Variants in INPP5D observed in about 807,000 individuals in gnomAD.
INPP5D encodes inositol polyphosphate-5-phosphatase D.
A neutral mutation model predicts 122.9 loss-of-function variants in INPP5D; 33 were observed. The observed-to-expected ratio is 0.27, with a 90% CI of 0.20 to 0.36. The LOEUF (loss-of-function observed/expected upper bound fraction) is 0.36. Among genes scored for constraint, INPP5D ranks in the 10% least tolerant of loss-of-function variants. The pLI, the probability that INPP5D is intolerant of heterozygous loss-of-function variation, is 1.00. For missense variants in INPP5D, 1,053 were observed against 1,412.7 expected, an observed-to-expected ratio of 0.75 and a Z score of 4.08; for synonymous variants, 584 against 576.2, an observed-to-expected ratio of 1.01 and a Z score of -0.19.
At chr2:233,152,504 A>G (rs1693947156) in intron 9 of INPP5D, among the ~76,000 whole-genome samples, 1 of 152,204 alleles carries the variant, frequency 6.6e-6, no homozygotes, top group Non-Finnish European at 1.5e-5. Flanking sequence ...GCAAAGGAGA[A>G]AATAAACAAA....
At chr2:233,124,181 T>C (rs1421393451) in intron 3 of INPP5D, among the ~76,000 whole-genome samples, 1 of 152,154 alleles carries the variant, frequency 6.6e-6, no homozygotes, top group East Asian at 1.9e-4. Flanking sequence ...GGCCCCTCAG[T>C]TGGCCAGGGC....
At position 233,125,884 on chromosome 2, in the gene INPP5D, A is replaced by G. The variant is rs61752227; in HGVS notation, c.489A>G (p.Thr163=). The change falls in exon 4 of 27, where the codon ACA becomes ACG. Residue 163 remains threonine (T), a synonymous_variant. Transcript: ENST00000445964. ...TETSRPSLSE[T]LFQRLQSMDT... The stretch of plus-strand genomic sequence containing the variant: ...CCAGCCGGCCGAGCCTCTCCGAGAC[A>G]TTGTTCCAGCGACTGCAAAGCATGG... 0.056 allele frequency: 90,836 copies of G among 1,613,706 alleles called. 2,944 individuals carry two copies. The highest frequency in any genetic ancestry group is 0.091 in the South Asian group (8,291 of 91,052).
In INPP5D at chr2:233,125,755, C is replaced by G; in HGVS notation, c.360C>G (p.Val120=). ...DDPEEDTVES[V]VSPPELPPRN... ...TGCTGTTCTCTCCAGTAGAAAGTGT[C>G]GTGTCTCCACCCGAGCTGCCCCCAA... Residue 120 remains valine, a synonymous_variant, in exon 4 of 27, where the codon GTC becomes GTG. Coordinates refer to ENST00000445964, the MANE Select transcript of INPP5D (RefSeq NM_001017915.3). 1 of 1,612,648 alleles carries G rather than the reference C, an allele frequency of 6.2e-7. No homozygotes were observed. The highest frequency in any genetic ancestry group is 8.5e-7 in the Non-Finnish European group (1 of 1,179,276).
intron 6 of INPP5D, chr2:233,145,216 T>C (rs1043117796): frequency 4.8e-5 from 22 of 456,214 alleles, no homozygotes; most frequent in African/African-American, 4.0e-4. Flanking sequence ...CATGAGACCA[T>C]GTACTTGGCA....
chr2:233,129,660 C>T (rs938199072), intron 4 of INPP5D, among the ~76,000 whole-genome samples: 2 of 152,152 alleles, frequency 1.3e-5, no homozygotes, highest in Admixed American at 6.6e-5. Flanking sequence ...CCAGCCCCAT[C>T]GCTAATCACT....
chr2:233,176,472 G>A (rs1234826318), intron 17 of INPP5D, among the ~76,000 whole-genome samples: 23 of 14,634 alleles, frequency 1.6e-3, no homozygotes, highest in African/African-American at 2.0e-3. Context: ...TGGATGGGTG[G>A]ATAGGTGGGT....
chr2:233,182,282 A>T, intron 18 of INPP5D, 128 bp from the exon 19 acceptor site: 1 of 1,353,216 alleles, frequency 7.4e-7, no homozygotes, highest in Non-Finnish European at 9.9e-7. Context: ...GAAGGACAAC[A>T]GGTGCAAAAC....
At position 233,126,819 on chromosome 2, in the gene INPP5D, C is replaced by T. The variant is rs527624672; in HGVS notation, c.524+900C>T. 4.6e-5 allele frequency among the ~76,000 whole-genome samples: 7 copies of T among 151,972 alleles called. No individual in the cohort carries two copies. In the South Asian group the frequency reaches 1.5e-3, roughly 32 times the overall value. On this transcript the variant is annotated intron_variant, in intron 4 of 26. Transcript: ENST00000445964. Reference sequence around the variant, plus strand: ...CCTATAATCCCAGCTATTCGGGAGGCTGAGGGAGGAGAATAGCTTGAACCT... The same window carrying T: ...CCTATAATCCCAGCTATTCGGGAGGTTGAGGGAGGAGAATAGCTTGAACCT...
intron 1 of INPP5D, among the ~76,000 whole-genome samples, chr2:233,067,807 G>A (rs1055676657): frequency 1.3e-4 from 20 of 152,180 alleles, no homozygotes; most frequent in African/African-American, 4.6e-4. Flanking sequence ...TTTTCTCATG[G>A]TTAATGGCCA....
At chr2:233,162,413 T>TGCTAAATAAGTGTAA (rs1694221547) in intron 11 of INPP5D, among the ~76,000 whole-genome samples, 2 of 75,792 alleles carry the variant, frequency 2.6e-5, no homozygotes, top group Non-Finnish European at 9.1e-5. Context: ...AGTGTAATTA[T>TGCTAAATAAGTGTAA]TATATTAAAT....
In INPP5D at chr2:233,177,788, TG is replaced by T; in HGVS notation, c.2071+444del. Among the ~76,000 whole-genome samples, 1 of 152,310 alleles carries T rather than the reference TG, an allele frequency of 6.6e-6. No homozygotes were observed. The highest frequency in any genetic ancestry group is 1.5e-5 in the Non-Finnish European group (1 of 68,032). On this transcript the variant is annotated intron_variant, in intron 18 of 26. Transcript: ENST00000445964. The surrounding 1 kb of genome is among the most constrained non-coding windows in gnomAD (Gnocchi z 4.2). Reference sequence around the variant, plus strand: ...CGGGGTTTCACCATGTTGGCCAGGCTGGTTGCAAACTCCTGACCTCAGGTGG... The same window carrying T: ...CGGGGTTTCACCATGTTGGCCAGGCTGTTGCAAACTCCTGACCTCAGGTGG...
In INPP5D at chr2:233,131,502, G is replaced by A. The variant is rs561939035; in HGVS notation, c.665+854G>A. On this transcript the variant is annotated intron_variant, in intron 5 of 26. Coordinates refer to ENST00000445964, the MANE Select transcript of INPP5D (RefSeq NM_001017915.3). ...ACCTGAGGTCAGCAGTTTGAGACCA[G>A]CCTGGCCAACATGGTGAAATCCTGT... 2.0e-5 allele frequency among the ~76,000 whole-genome samples: 3 copies of A among 150,854 alleles called. No homozygotes were observed. The South Asian group carries it at 6.3e-4, about 32-fold the overall frequency.
chr2:233,195,589 A>G, intron 24 of INPP5D, 94 bp downstream of exon 24: 1 of 1,568,492 alleles, frequency 6.4e-7, no homozygotes, highest in Non-Finnish European at 8.6e-7. Flanking sequence ...GTTCACGCCC[A>G]TAATCCCGGC....
chr2:233,171,374 A>G (rs1391647205), intron 17 of INPP5D: 2 of 521,626 alleles, frequency 3.8e-6, no homozygotes, highest in East Asian at 6.9e-5. Flanking sequence ...CCTTCTGTCC[A>G]GATACTCTAA....
intron 9 of INPP5D, among the ~76,000 whole-genome samples, chr2:233,148,435 G>C (rs1693829496): frequency 6.6e-6 from 1 of 152,204 alleles, no homozygotes; most frequent in Non-Finnish European, 1.5e-5. Context: ...CGGAGACCCC[G>C]AGGCTGAGAA....
intron 9 of INPP5D, among the ~76,000 whole-genome samples, chr2:233,152,361 C>T (rs1015088788): frequency 1.3e-5 from 2 of 152,148 alleles, no homozygotes; most frequent in African/African-American, 4.8e-5. Flanking sequence ...ATAGGAACAG[C>T]CAGTTGCTGT....
chr2:233,159,133 T>C (rs1009122608), intron 10 of INPP5D, among the ~76,000 whole-genome samples: 21 of 152,158 alleles, frequency 1.4e-4, no homozygotes, highest in African/African-American at 5.1e-4. Context: ...TTCTACACTT[T>C]GCCCCGCTCT....
In INPP5D at chr2:233,194,013, G is replaced by T. The variant is rs1025746470; in HGVS notation, c.2596+52G>T. The T allele has an allele frequency of 4.0e-6, 6 of 1,509,848 alleles. No individual in the cohort carries two copies. In the East Asian group the frequency reaches 9.4e-5, roughly 24 times the overall value. The allele number at this position is 1,509,848 out of a possible 1,614,324, so 93.5% of individuals were successfully genotyped here. Reference sequence around the variant, plus strand: ...CCTCTTCAGCCCCCCACTTAGGGACGGGAACGTGCTTTCTCTCAGCAAAGC... The same window carrying T: ...CCTCTTCAGCCCCCCACTTAGGGACTGGAACGTGCTTTCTCTCAGCAAAGC... On this transcript the variant is annotated intron_variant, in intron 23 of 26. Transcript: ENST00000445964.
At chr2:233,154,931 C>T (rs1373112982) in intron 9 of INPP5D, among the ~76,000 whole-genome samples, 1 of 152,214 alleles carries the variant, frequency 6.6e-6, no homozygotes, top group Non-Finnish European at 1.5e-5. Flanking sequence ...CTTAACCACT[C>T]AGTCAGTACT....
Sources: allele counts gnomAD v4.1 joint callset (sites outside exome capture counted in the v4.1 genomes callset), GRCh38; gene constraint gnomAD v4.1.1; non-coding constraint Gnocchi (gnomAD v3.1); transcripts MANE v1.5; gene names NCBI Gene and HGNC (gene_info 2026-07-23, HGNC 2026-07-21).